The following DDX59 variants were observed in gnomAD, a reference collection of about 807,000 sequenced individuals.
DDX59 encodes DEAD-box helicase 59.
DDX59 carries 30 observed loss-of-function variants against 51.9 expected under a neutral mutation model. The observed-to-expected ratio is 0.58, with a 90% CI of 0.43 to 0.78. The LOEUF (loss-of-function observed/expected upper bound fraction) is 0.78, where lower values mean the gene tolerates loss of function less well. DDX59 is among the 30% of genes least tolerant of loss of function. The probability of loss-of-function intolerance (pLI) is 0.00; values close to 1 mark genes in which losing one functional copy is unlikely to be tolerated. For synonymous variants in DDX59, 255 were observed against 253.3 expected (o/e 1.01, Z -0.06); for missense variants, 672 against 730.8 (o/e 0.92, Z 0.93).
chr1:200,647,641 A>AC (rs935030589), intron 7 of DDX59, among the ~76,000 whole-genome samples: 46 of 150,806 alleles, frequency 3.1e-4, no homozygotes, highest in Admixed American at 1.5e-3. Flanking sequence ...ATACATACTT[A>AC]CCTTTCAAAA....
downstream of DDX59, chr1:200,643,981 T>C (rs780175987): frequency 1.5e-4 from 50 of 329,052 alleles, no homozygotes; most frequent in Non-Finnish European, 2.0e-4. Context: ...TGGAGGTTTC[T>C]GGTTCTGACA....
chr1:200,664,916 C>G (rs1662618414), intron 2 of DDX59, among the ~76,000 whole-genome samples: 2 of 152,186 alleles, frequency 1.3e-5, no homozygotes, highest in African/African-American at 4.8e-5. Flanking sequence ...CTCAGGTGAT[C>G]TGCCCACCTC....
intron 7 of DDX59, among the ~76,000 whole-genome samples, chr1:200,644,982 T>C (rs1661209945): frequency 6.6e-6 from 1 of 151,530 alleles, no homozygotes; most frequent in South Asian, 2.1e-4. Context: ...TCAATATATC[T>C]GTGAAATCAA....
downstream of DDX59, among the ~76,000 whole-genome samples, chr1:200,643,160 C>G (rs1391322891): frequency 6.6e-6 from 1 of 151,280 alleles, no homozygotes; most frequent in African/African-American, 2.4e-5. Flanking sequence ...TGAGACAACG[C>G]CTGTGGTCCC....
chr1:200,644,631 C>T (rs1661179530), intron 7 of DDX59, 114 bp from the exon 8 acceptor site: 3 of 1,310,054 alleles, frequency 2.3e-6, no homozygotes, highest in African/African-American at 1.5e-5. Flanking sequence ...TGCAGTGGCT[C>T]ACGCCTGTAA....
At chr1:200,644,586 GAAT>G (rs1408524763) in intron 7 of DDX59, 69 bp from the exon 8 acceptor site, 4 of 1,503,882 alleles carry the variant, frequency 2.7e-6, no homozygotes, top group East Asian at 4.6e-5. Context: ...GAAAGAAAAT[GAAT>G]AATATTACTT....
At chr1:200,668,749 A>C (rs769215547) in intron 1 of DDX59, among the ~76,000 whole-genome samples, 2 of 152,164 alleles carry the variant, frequency 1.3e-5, no homozygotes, top group Non-Finnish European at 2.9e-5. Flanking sequence ...TTTAAGTCCA[A>C]TATAAAACAA....
intron 7 of DDX59, among the ~76,000 whole-genome samples, chr1:200,647,938 C>A: frequency 6.9e-6 from 1 of 143,908 alleles, no homozygotes; most frequent in African/African-American, 2.6e-5. Flanking sequence ...CATGCCACTG[C>A]ACTCCAGCTT....
intron 4 of DDX59, among the ~76,000 whole-genome samples, chr1:200,656,971 C>T (rs769378229): frequency 4.6e-5 from 7 of 152,084 alleles, no homozygotes; most frequent in South Asian, 2.1e-4. Flanking sequence ...CTTCTCAGGC[C>T]GGGTGCGGTG....
intron 7 of DDX59, among the ~76,000 whole-genome samples, chr1:200,647,869 G>A (rs1661385110): frequency 6.6e-6 from 1 of 151,466 alleles, no homozygotes; most frequent in South Asian, 2.1e-4. Context: ...AGTTACTTGG[G>A]AGGCTGAGGC....
downstream of DDX59, among the ~76,000 whole-genome samples, chr1:200,642,185 T>C (rs1292025111): frequency 6.6e-6 from 1 of 152,184 alleles, no homozygotes; most frequent in African/African-American, 2.4e-5. Flanking sequence ...ACCAATTCAG[T>C]ATTTTTATAA....
intron 4 of DDX59, among the ~76,000 whole-genome samples, chr1:200,657,875 C>T (rs1203112388): frequency 6.6e-6 from 1 of 152,044 alleles, no homozygotes; most frequent in East Asian, 1.9e-4. Flanking sequence ...TGAGATCACA[C>T]CATTGCACTC....
rs565742910 is a variant in DDX59 at position 200,655,978 on chromosome 1, G to A, written c.1062+3049C>T. Among the ~76,000 whole-genome samples the A allele has an allele frequency of 3.9e-5, 6 of 152,154 alleles. No homozygotes were observed. The East Asian group carries it at 5.8e-4, about 15-fold the overall frequency. Reference sequence around the variant, plus strand: ...CCTGAGTAGCTGGGATTACAGGCACGCGCCACCACGCCCAGCTAATTTTGT... The same window carrying A: ...CCTGAGTAGCTGGGATTACAGGCACACGCCACCACGCCCAGCTAATTTTGT... On this transcript the variant is annotated intron_variant, in intron 4 of 7. Coordinates refer to ENST00000331314, the MANE Select transcript of DDX59 (RefSeq NM_001031725.6).
rs1192643107 is a variant in DDX59, at chr1:200,669,763, TCA to T, written c.-12+2_-12+3del. 1 of 152,476 alleles carries T rather than the reference TCA, an allele frequency of 6.6e-6. No individual in the cohort carries two copies. The highest frequency in any genetic ancestry group is 2.4e-5 in the African/African-American group (1 of 41,450). The allele number at this position is 152,476 out of a possible 1,614,324, so 9.4% of individuals were successfully genotyped here. A position where few individuals can be genotyped will look rare whatever the true frequency, so the allele number is the denominator to read the frequency against. ...AGGGGCCCAAGCTTCCGGGGCACGC[TCA>T]CCCGCGCAGGACTGAGGCCGCGTCC... is the stretch of plus-strand genomic sequence containing the variant. On this transcript the variant is annotated splice_donor_variant and splice_donor_region_variant and intron_variant, in intron 1 of 7. Coordinates refer to ENST00000331314, the MANE Select transcript of DDX59 (RefSeq NM_001031725.6). LOFTEE classifies it low-confidence loss of function (5UTR_SPLICE).
At chr1:200,655,786 CCTT>C (rs759156466) in intron 4 of DDX59, among the ~76,000 whole-genome samples, 2 of 152,132 alleles carry the variant, frequency 1.3e-5, no homozygotes, top group Non-Finnish European at 2.9e-5. Context: ...TCTCATTTCT[CCTT>C]CTGACCTTAT....
intron 4 of DDX59, 90 bp from the exon 5 acceptor site, chr1:200,650,766 A>G: frequency 8.3e-7 from 1 of 1,207,110 alleles, no homozygotes; most frequent in Non-Finnish European, 1.1e-6. Flanking sequence ...ACAATATAAA[A>G]ATTAAAAATT....
chr1:200,649,628 C>A (rs77205544), intron 5 of DDX59, among the ~76,000 whole-genome samples: 1,932 of 120,436 alleles, frequency 0.016, no homozygotes, highest in Non-Finnish European at 0.017. Context: ...GATTCCGTCA[C>A]AAAAAAAAAA....
At chr1:200,668,713 A>C (rs1406134127) in intron 1 of DDX59, among the ~76,000 whole-genome samples, 1 of 152,186 alleles carries the variant, frequency 6.6e-6, no homozygotes, top group African/African-American at 2.4e-5. Flanking sequence ...GATCCAGGAG[A>C]TAATCAACTA....
intron 2 of DDX59, among the ~76,000 whole-genome samples, chr1:200,664,955 G>A (rs1270242686): frequency 2.0e-5 from 3 of 152,124 alleles, no homozygotes; most frequent in Non-Finnish European, 4.4e-5. Flanking sequence ...GATTACAGGC[G>A]TGAGCCACTG....
Sources: gnomAD v4.1 joint callset for allele counts (sites outside exome capture counted in the v4.1 genomes callset) on GRCh38, gnomAD v4.1.1 for gene constraint, MANE v1.5 for transcripts, NCBI Gene and HGNC (gene_info 2026-07-23, HGNC 2026-07-21) for gene names.